GABRR1: variants seen among roughly 807,000 people sequenced by gnomAD.
GABRR1 encodes gamma-aminobutyric acid type A receptor subunit rho1, also known as gamma-aminobutyric acid receptor subunit rho-1.
Under a neutral mutation model 55.5 loss-of-function variants are expected in GABRR1, and 59 were observed. That is an observed-to-expected ratio of 1.06 (90% CI 0.86 to 1.32). The LOEUF is 1.32. GABRR1 is among the 40% of genes most tolerant of loss of function. The pLI is 0.00. For missense variants in GABRR1, 602 were observed against 619.1 expected (o/e 0.97, Z 0.29); for synonymous variants, 213 against 226.0 (o/e 0.94, Z 0.51).
chr6:89,187,448 T>A (rs1406042834), intron 6 of GABRR1, among the ~76,000 whole-genome samples: 4 of 152,234 alleles, frequency 2.6e-5, no homozygotes, highest in Non-Finnish European at 4.4e-5. Context: ...TTGCATTTAC[T>A]CTGTTGATAA....
intron 4 of GABRR1, 88 bp downstream of exon 4, chr6:89,199,274 A>T: frequency 8.5e-7 from 1 of 1,171,378 alleles, no homozygotes; most frequent in Non-Finnish European, 1.3e-6. Flanking sequence ...CAGTTGTGAG[A>T]CTAAGTGAAT....
chr6:89,180,071 G>T (rs1279332253), intron 9 of GABRR1, among the ~76,000 whole-genome samples: 1 of 132,688 alleles, frequency 7.5e-6, no homozygotes, highest in African/African-American at 2.8e-5. Flanking sequence ...TATGTGGTAG[G>T]TGCAAAAAAA....
intron 6 of GABRR1, among the ~76,000 whole-genome samples, chr6:89,188,517 AACATCTTTT>A (rs1295019499): frequency 6.6e-6 from 1 of 152,114 alleles, no homozygotes; most frequent in Non-Finnish European, 1.5e-5. Context: ...AATGATGTTG[AACATCTTTT>A]CATGTGCTTC....
intron 5 of GABRR1, among the ~76,000 whole-genome samples, chr6:89,190,576 A>C (rs1469176061): frequency 1.3e-5 from 2 of 152,234 alleles, no homozygotes; most frequent in Admixed American, 6.5e-5. Flanking sequence ...TTCTTAAAAG[A>C]AGCTCTAGGA....
At chr6:89,180,259 T>C in intron 9 of GABRR1, 33 bp downstream of exon 9, 1 of 1,602,114 alleles carries the variant, frequency 6.2e-7, no homozygotes, top group South Asian at 1.1e-5. Context: ...GGTTCCATCC[T>C]GACCAGACAC....
chr6:89,188,940 T>C (rs943618335), intron 6 of GABRR1, among the ~76,000 whole-genome samples: 9 of 152,150 alleles, frequency 5.9e-5, no homozygotes, highest in Non-Finnish European at 1.0e-4. Flanking sequence ...AGGGCAACTG[T>C]TGTCAAACTT....
At chr6:89,207,348 C>T (rs1772683009) in intron 1 of GABRR1, among the ~76,000 whole-genome samples, 1 of 152,154 alleles carries the variant, frequency 6.6e-6, no homozygotes, top group Non-Finnish European at 1.5e-5. Flanking sequence ...GCATGTGCCA[C>T]CATGCCAAGC....
chr6:89,204,698 G>A, intron 1 of GABRR1: 1 of 1,273,296 alleles, frequency 7.9e-7, no homozygotes. Context: ...CTCGATTCTA[G>A]CCAAGAGAAG....
intron 6 of GABRR1, among the ~76,000 whole-genome samples, chr6:89,186,722 T>C (rs1771913828): frequency 6.6e-6 from 1 of 152,210 alleles, no homozygotes; most frequent in Non-Finnish European, 1.5e-5. Context: ...CACCGAGCTC[T>C]GTCCCTCCTT....
At chr6:89,199,544 G>T in intron 3 of GABRR1, 115 bp from the exon 4 acceptor site, 1 of 952,274 alleles carries the variant, frequency 1.1e-6, no homozygotes, top group Non-Finnish European at 1.6e-6. Flanking sequence ...AGATTTGGAG[G>T]TTTGGTCATG....
chr6:89,216,915 A>G (rs1582408552), intron 1 of GABRR1, among the ~76,000 whole-genome samples: 1 of 152,180 alleles, frequency 6.6e-6, no homozygotes, highest in East Asian at 1.9e-4. Flanking sequence ...TTTTTTTTAA[A>G]TGTGCATATA....
At position 89,203,443 on chromosome 6, in the gene GABRR1, C is replaced by A. The variant is rs750103108; in HGVS notation, c.165G>T (p.Lys55Asn). 8 of 1,613,240 alleles carry A rather than the reference C, an allele frequency of 5.0e-6. No individual in the cohort carries two copies. Among genetic ancestry groups the A allele is most frequent in the Admixed American group, 1.7e-5 (1 of 59,990 alleles). The part of the protein sequence containing the change: ...QRREVHEDAH[K>N]QVSPILRRSP... ...CGTGCTTATGGCCATACCTGACTTG[C>A]TTGTGGGCATCTTCATGTACTTCTC... Residue 55 changes from lysine to asparagine, a missense_variant, in exon 2 of 10, where the codon AAG becomes AAT. Physicochemically the swap from Lys to Asn is moderately conservative, Grantham distance 94 (BLOSUM62 0). Around this residue, in one of 3 missense-constraint regions of GABRR1, gnomAD observed 435 missense variants for 424.2 expected, o/e 1.03. Transcript: ENST00000454853.
chr6:89,208,171 C>T (rs113077291), intron 1 of GABRR1, among the ~76,000 whole-genome samples: 2,655 of 152,308 alleles, frequency 0.017, 43 homozygotes, highest in Middle Eastern at 0.031. Flanking sequence ...CCCACTAGCA[C>T]TGGGTGTGTG....
chr6:89,206,336 C>T (rs78144040), intron 1 of GABRR1, among the ~76,000 whole-genome samples: 23 of 152,104 alleles, frequency 1.5e-4, no homozygotes, highest in Non-Finnish European at 3.1e-4. Context: ...TTCCACTCAG[C>T]TCCCACTCTG....
chr6:89,184,666 G>A (rs139525694), intron 7 of GABRR1, among the ~76,000 whole-genome samples: 23 of 152,260 alleles, frequency 1.5e-4, no homozygotes, highest in African/African-American at 5.5e-4. Context: ...TGTCAAGGAG[G>A]GGACTCGGAT....
At chr6:89,188,017 AT>A (rs139520160) in intron 6 of GABRR1, among the ~76,000 whole-genome samples, 496 of 143,598 alleles carry the variant, frequency 3.5e-3, no homozygotes, top group Admixed American at 4.0e-3. Flanking sequence ...TATGTTCTTA[AT>A]TTTTTTTTTT....
intron 3 of GABRR1, 38 bp downstream of exon 3, chr6:89,201,121 A>T (rs1382927127): frequency 1.4e-6 from 2 of 1,472,994 alleles, no homozygotes; most frequent in South Asian, 2.3e-5. Context: ...ACAGAGGACC[A>T]GAAGAAAGAG....
intron 8 of GABRR1, 127 bp from the exon 9 acceptor site, chr6:89,180,615 C>T: frequency 9.0e-7 from 1 of 1,105,392 alleles, no homozygotes. Context: ...TGCTCCACTG[C>T]CCAGCAAACA....
intron 1 of GABRR1, among the ~76,000 whole-genome samples, chr6:89,209,179 CT>C (rs1266709469): frequency 2.0e-5 from 3 of 151,524 alleles, no homozygotes; most frequent in Admixed American, 6.6e-5. Flanking sequence ...TAGATCATCC[CT>C]TTTTTTTCCT....
Sources: gnomAD v4.1 joint callset for allele counts (sites outside exome capture counted in the v4.1 genomes callset) on GRCh38, gnomAD v4.1.1 for gene constraint, gnomAD v4.1.1 regional missense constraint, MANE v1.5 for transcripts, NCBI Gene and HGNC (gene_info 2026-07-23, HGNC 2026-07-21) for gene names.